Variants in ST3GAL4 observed in about 807,000 individuals in gnomAD.
The protein encoded by ST3GAL4 is CMP-N-acetylneuraminate-beta-galactosamide-alpha-2,3-sialyltransferase 4.
In ST3GAL4, 24 loss-of-function variants were observed where a neutral mutation model predicts 42.6. The observed-to-expected ratio is 0.56, with a 90% CI of 0.41 to 0.79. The LOEUF (loss-of-function observed/expected upper bound fraction) is 0.79, where lower values mean the gene tolerates loss of function less well. ST3GAL4 is among the 30% of genes least tolerant of loss of function. The pLI is 0.00. For missense variants in ST3GAL4, 311 were observed against 430.8 expected, an observed-to-expected ratio of 0.72 and a Z score of 2.46; for synonymous variants, 135 against 163.2, an observed-to-expected ratio of 0.83 and a Z score of 1.32.
chr11:126,356,485 C>T (rs2135354857), intron 1 of ST3GAL4, among the ~76,000 whole-genome samples: 1 of 152,282 alleles, frequency 6.6e-6, no homozygotes, highest in East Asian at 1.9e-4. Flanking sequence ...CTGGCAGGGA[C>T]CTCCCGGCCA....
chr11:126,402,094 A>AG (rs1555090127), intron 1 of ST3GAL4, among the ~76,000 whole-genome samples: 1 of 140,732 alleles, frequency 7.1e-6, no homozygotes, highest in African/African-American at 2.6e-5. Flanking sequence ...TGGGGGAAAG[A>AG]GGGGAGGTAG....
At chr11:126,371,798 A>G (rs529227952) in intron 1 of ST3GAL4, among the ~76,000 whole-genome samples, 11 of 152,242 alleles carry the variant, frequency 7.2e-5, no homozygotes, top group African/African-American at 1.7e-4. Flanking sequence ...CGGAAATGCA[A>G]TCGCCAGATT....
chr11:126,413,473 C>T, intron 9 of ST3GAL4, 32 bp from the exon 10 acceptor site: 1 of 1,610,508 alleles, frequency 6.2e-7, no homozygotes, highest in South Asian at 1.1e-5. Context: ...GAGCAGGGCT[C>T]CCACTAACAC....
intron 1 of ST3GAL4, among the ~76,000 whole-genome samples, chr11:126,361,485 C>T (rs1952240992): frequency 6.6e-6 from 1 of 152,042 alleles, no homozygotes; most frequent in African/African-American, 2.4e-5. Flanking sequence ...GCTGCCCCCT[C>T]ACATGGCTTG....
chr11:126,408,714 G>A (rs1954384336), intron 8 of ST3GAL4: 8 of 592,150 alleles, frequency 1.4e-5, no homozygotes, highest in South Asian at 1.1e-4. Context: ...CAGGCGTCAG[G>A]TGGCAGCAGC....
intron 1 of ST3GAL4, among the ~76,000 whole-genome samples, chr11:126,361,365 AT>A (rs10627600): frequency 0.53 from 72,754 of 137,146 alleles, 18,882 homozygotes; most frequent in Non-Finnish European, 0.61. Context: ...CTTGGCTTTA[AT>A]TTTTTTTTTT....
At chr11:126,367,018 G>A (rs1461393402) in intron 1 of ST3GAL4, among the ~76,000 whole-genome samples, 1 of 152,090 alleles carries the variant, frequency 6.6e-6, no homozygotes, top group East Asian at 1.9e-4. Context: ...GCACTGTTCT[G>A]GAAGTGGACT....
intron 5 of ST3GAL4, 64 bp from the exon 6 acceptor site, chr11:126,407,510 G>A (rs1591490567): frequency 1.2e-6 from 2 of 1,600,846 alleles, no homozygotes; most frequent in Non-Finnish European, 1.7e-6. Flanking sequence ...GCAGTGGAGG[G>A]AGGGCAGGCA....
rs1555082244 is a variant in ST3GAL4 at position 126,371,163 on chromosome 11, C to CTTATTTTTTTTTTTTTTTTTTTTTTT, written c.-61+15323_-61+15324insATTTTTTTTTTTTTTTTTTTTTTTTT. Among the ~76,000 whole-genome samples, 57 of 59,964 alleles carry CTTATTTTTTTTTTTTTTTTTTTTTTT rather than the reference C, an allele frequency of 9.5e-4. 7 individuals are homozygous for CTTATTTTTTTTTTTTTTTTTTTTTTT. Among genetic ancestry groups the CTTATTTTTTTTTTTTTTTTTTTTTTT allele is most frequent in the South Asian group, 1.7e-3 (2 of 1,148 alleles). 39.3% of individuals were successfully genotyped at this position (59,964 alleles called of 152,430 possible). A position where few individuals can be genotyped will look rare whatever the true frequency, so the allele number is the denominator to read the frequency against. ...ATCTATTCTATTCTTCCCCACATTC[C>CTTATTTTTTTTTTTTTTTTTTTTTTT]TTTTTTTTTTTTTTTTTTTGAGATG... On this transcript the variant is annotated intron_variant, in intron 1 of 10. Coordinates refer to ENST00000444328, the MANE Select transcript of ST3GAL4 (RefSeq NM_001254757.2).
At position 126,397,056 on chromosome 11, in the gene ST3GAL4, T is replaced by C. The variant is rs545942028; in HGVS notation, c.-60-9040T>C. Among the ~76,000 whole-genome samples the C allele has an allele frequency of 5.9e-5, 9 of 152,174 alleles. No individual in the cohort carries two copies. The highest frequency in any genetic ancestry group is 2.2e-4 in the African/African-American group (9 of 41,458). On this transcript the variant is annotated intron_variant, in intron 1 of 10. Transcript: ENST00000444328. This position sits in a 1 kb window ranked among gnomAD's most constrained non-coding sequence, Gnocchi z 5.0. ...ATACACAAGACAGACCCCGCAACAG[T>C]GAACTCTCTGGCCCCTCCAAGTCAG...
In ST3GAL4 at chr11:126,397,725, C is replaced by T. The variant is rs867734100; in HGVS notation, c.-60-8371C>T. On this transcript the variant is annotated intron_variant, in intron 1 of 10. Transcript: ENST00000444328. The surrounding 1 kb of genome is among the most constrained non-coding windows in gnomAD (Gnocchi z 5.0). ...ATGTCCAAGATCTAGAGGACACATCCGGTGAGGGTCTTCTTGCTGCATTGT... is the reference window on the plus strand; with the variant it reads ...ATGTCCAAGATCTAGAGGACACATCTGGTGAGGGTCTTCTTGCTGCATTGT... 2.0e-5 allele frequency among the ~76,000 whole-genome samples: 3 copies of T among 152,146 alleles called. No homozygotes were observed. The highest frequency in any genetic ancestry group is 4.4e-5 in the Non-Finnish European group (3 of 68,038).
Position 126,409,193 on chromosome 11 carries a change from G to A in ST3GAL4, c.628-75G>A, listed in dbSNP as rs1954407661. 1 of 1,582,078 alleles carries A rather than the reference G, an allele frequency of 6.3e-7. No homozygotes were observed. Among genetic ancestry groups the A allele is most frequent in the Non-Finnish European group, 8.6e-7 (1 of 1,158,280 alleles). On this transcript the variant is annotated intron_variant, in intron 8 of 10. Transcript: ENST00000444328. The surrounding 1 kb of genome is among the most constrained non-coding windows in gnomAD (Gnocchi z 4.9). The stretch of plus-strand genomic sequence containing the variant: ...ATCGCTTGGACCCCCTCGCCTCGCT[G>A]AGGACCACTGGGTTGGATTTGAGAA...
intron 1 of ST3GAL4, among the ~76,000 whole-genome samples, chr11:126,388,660 G>GTTTTTTTTTTTTTTTTTT (rs10599019): frequency 3.8e-5 from 3 of 79,288 alleles, no homozygotes; most frequent in Admixed American, 1.3e-4. Flanking sequence ...TAGGTTTCTT[G>GTTTTTTTTTTTTTTTTTT]TTTTTTTTTT....
intron 1 of ST3GAL4, among the ~76,000 whole-genome samples, chr11:126,377,057 A>ATAAGT (rs1952850550): frequency 6.6e-6 from 1 of 152,230 alleles, no homozygotes; most frequent in South Asian, 2.1e-4. Context: ...AGGAGCCAAG[A>ATAAGT]CTTAACCAGC....
chr11:126,414,168 G>T lies in ST3GAL4; in HGVS notation c.*121G>T. On this transcript the variant is annotated 3_prime_UTR_variant, in exon 11 of 11. Transcript: ENST00000444328. ...TTGGACTCACCCCCTCTTGGGGAGG[G>T]AGTTCTGGGCCTGGCCAGGTCTGAG... 3.1e-6 allele frequency: 3 copies of T among 956,388 alleles called. No individual in the cohort carries two copies. The highest frequency in any genetic ancestry group is 3.3e-6 in the Non-Finnish European group (2 of 600,588). The allele number at this position is 956,388 out of a possible 1,614,324, so 59.2% of individuals were successfully genotyped here.
intron 1 of ST3GAL4, among the ~76,000 whole-genome samples, chr11:126,370,707 C>T (rs1402947678): frequency 2.7e-5 from 4 of 150,742 alleles, no homozygotes; most frequent in Admixed American, 6.6e-5. Flanking sequence ...AATGGAGACT[C>T]GCTCTGTCAC....
chr11:126,373,554 A>T lies in ST3GAL4; in HGVS notation c.-61+17712A>T, dbSNP rs1952729984. ...GTGTCTTGTGACTGGCAGCTGATAA[A>T]CGGGTGATACAGTGTTTCTATACAG... On this transcript the variant is annotated intron_variant, in intron 1 of 10. Coordinates refer to ENST00000444328, the MANE Select transcript of ST3GAL4 (RefSeq NM_001254757.2). This position sits in a 1 kb window ranked among gnomAD's most constrained non-coding sequence, Gnocchi z 5.5. 6.6e-6 allele frequency among the ~76,000 whole-genome samples: 1 copy of T among 151,978 alleles called. No individual in the cohort carries two copies. Among genetic ancestry groups the T allele is most frequent in the South Asian group, 2.1e-4 (1 of 4,810 alleles).
Position 126,406,191 on chromosome 11 carries a change from TC to T in ST3GAL4, c.16+25del, listed in dbSNP as rs1348653109. 6.4e-7 allele frequency: 1 copy of T among 1,556,616 alleles called. No homozygotes were observed. The highest frequency in any genetic ancestry group is 2.4e-5 in the East Asian group (1 of 41,260). Reference sequence around the variant, plus strand: ...AGTCCCGTGAGTGTCATCCGAGGGCTCCCCCACCCTGGAGGACAGGCCTCAG... The same window carrying T: ...AGTCCCGTGAGTGTCATCCGAGGGCTCCCCACCCTGGAGGACAGGCCTCAG... On this transcript the variant is annotated intron_variant, in intron 2 of 10. Coordinates refer to ENST00000444328, the MANE Select transcript of ST3GAL4 (RefSeq NM_001254757.2). This position sits in a 1 kb window ranked among gnomAD's most constrained non-coding sequence, Gnocchi z 5.4.
intron 1 of ST3GAL4, among the ~76,000 whole-genome samples, chr11:126,371,339 A>G (rs1952639089): frequency 6.6e-6 from 1 of 151,228 alleles, no homozygotes; most frequent in African/African-American, 2.4e-5. Flanking sequence ...TAATTTTTGT[A>G]TTTTTAGTAG....
Sources: allele counts gnomAD v4.1 joint callset (sites outside exome capture counted in the v4.1 genomes callset), GRCh38; gene constraint gnomAD v4.1.1; non-coding constraint Gnocchi (gnomAD v3.1); transcripts MANE v1.5; gene names NCBI Gene and HGNC (gene_info 2026-07-23, HGNC 2026-07-21).